Variants in NAV3 observed in about 807,000 individuals in gnomAD.
NAV3 encodes pore membrane and/or filament interacting like protein 1.
In NAV3, 87 loss-of-function variants were observed where a neutral mutation model predicts 244.7. The ratio of observed to expected loss-of-function variants is 0.36; its 90% CI spans 0.30 to 0.42. The LOEUF is 0.42. Ranked by LOEUF, NAV3 falls within the 20% of genes least tolerant of loss-of-function variation. The pLI is 1.00. For missense variants in NAV3, 2,663 were observed against 2,893.3 expected, an observed-to-expected ratio of 0.92 and a Z score of 1.83; for synonymous variants, 1,126 against 1,042.2, an observed-to-expected ratio of 1.08 and a Z score of -1.55.
chr12:78,123,579 A>G (rs1955775073), intron 16 of NAV3, among the ~76,000 whole-genome samples: 1 of 152,054 alleles, frequency 6.6e-6, no homozygotes. Flanking sequence ...TTCCCTCTTT[A>G]CTTCCTACTT....
At chr12:77,807,130 A>G (rs1035279966) in intron 2 of NAV3, among the ~76,000 whole-genome samples, 3 of 152,052 alleles carry the variant, frequency 2.0e-5, no homozygotes, top group African/African-American at 7.2e-5. Context: ...ACTCTATCCA[A>G]TTTGCCAGTC....
intron 2 of NAV3, among the ~76,000 whole-genome samples, chr12:77,732,709 A>G (rs711148): frequency 0.54 from 81,806 of 151,852 alleles, 22,787 homozygotes; most frequent in East Asian, 0.84. Context: ...GGCAAAGGTC[A>G]CTGAGCAAGT....
intron 34 of NAV3, 48 bp downstream of exon 34, chr12:78,190,267 T>C (rs1958914964): frequency 6.9e-7 from 1 of 1,453,674 alleles, no homozygotes. Context: ...TCCATAAGTG[T>C]TTTAAGCAAT....
chr12:77,852,483 G>A (rs373180473), intron 1 of NAV3, among the ~76,000 whole-genome samples: 1 of 152,040 alleles, frequency 6.6e-6, no homozygotes, highest in African/African-American at 2.4e-5. Context: ...AGGTTGTAGC[G>A]AGCTGAGATC....
chr12:77,814,475 GA>G (rs1394451405), intron 2 of NAV3, among the ~76,000 whole-genome samples: 2 of 152,080 alleles, frequency 1.3e-5, no homozygotes, highest in East Asian at 3.9e-4. Flanking sequence ...GTTACACCAA[GA>G]AAACAACAAT....
rs991154751 is a variant in NAV3, at chr12:78,077,968, C to T, written c.2636+18853C>T. On this transcript the variant is annotated intron_variant, in intron 12 of 39. Coordinates refer to ENST00000397909, the MANE Select transcript of NAV3 (RefSeq NM_001024383.2). The stretch of plus-strand genomic sequence containing the variant: ...AACAAAAAACAGAAACATATTGTCT[C>T]ACCCTTCTGGAGGCTAGACATTAGA... Among the ~76,000 whole-genome samples the T allele has an allele frequency of 3.9e-5, 6 of 152,102 alleles. No individual in the cohort carries two copies. In the South Asian group the frequency reaches 1.2e-3, roughly 32 times the overall value.
At chr12:78,137,116 A>C in intron 18 of NAV3, 61 bp from the exon 19 acceptor site, 1 of 1,461,694 alleles carries the variant, frequency 6.8e-7, no homozygotes. Flanking sequence ...ACTTTCTATC[A>C]ACCTGCTATT....
chr12:77,815,840 C>T lies in NAV3; in HGVS notation c.73-124479C>T, dbSNP rs79408475. Reference sequence around the variant, plus strand: ...GGTACTTAGCAACTTTTAGATATACCAATAAAACAACAACCTAATGCCTAA... The same window carrying T: ...GGTACTTAGCAACTTTTAGATATACTAATAAAACAACAACCTAATGCCTAA... On this transcript the variant is annotated intron_variant, in intron 2 of 8. Transcript: ENST00000550042. Among the ~76,000 whole-genome samples the T allele has an allele frequency of 9.2e-5, 14 of 152,094 alleles. No individual in the cohort carries two copies. In the East Asian group the frequency reaches 2.7e-3, roughly 29 times the overall value.
intron 2 of NAV3, among the ~76,000 whole-genome samples, chr12:77,725,531 T>C (rs559407874): frequency 6.6e-6 from 1 of 151,836 alleles, no homozygotes; most frequent in South Asian, 2.1e-4. Flanking sequence ...AATGTGGCAG[T>C]CTTAAGCCCA....
intron 1 of NAV3, among the ~76,000 whole-genome samples, chr12:77,923,782 G>T (rs1211047637): frequency 6.6e-6 from 1 of 152,090 alleles, no homozygotes; most frequent in Non-Finnish European, 1.5e-5. Flanking sequence ...GAACTGCTGG[G>T]AAATCAAGCT....
chr12:77,773,606 T>C (rs1399364052), intron 2 of NAV3, among the ~76,000 whole-genome samples: 1 of 152,114 alleles, frequency 6.6e-6, no homozygotes, highest in African/African-American at 2.4e-5. Flanking sequence ...ATACATAGTA[T>C]ATTAGATAAT....
At position 77,653,819 on chromosome 12, in the gene NAV3, G is replaced by A. The variant is rs1317067960; in HGVS notation, c.72+81553G>A. Among the ~76,000 whole-genome samples, 14 of 152,002 alleles carry A rather than the reference G, an allele frequency of 9.2e-5. 1 individual carries two copies. Among genetic ancestry groups the A allele is most frequent in the Admixed American group, 9.2e-4 (14 of 15,264 alleles). On this transcript the variant is annotated intron_variant, in intron 2 of 8. Transcript: ENST00000550042. ...ATATAATATACACAAATGCATTATAGCTCTGTACACATACACACATATTTG... is the reference window on the plus strand; with the variant it reads ...ATATAATATACACAAATGCATTATAACTCTGTACACATACACACATATTTG...
chr12:78,045,649 A>T (rs1297865459), intron 9 of NAV3, among the ~76,000 whole-genome samples: 3 of 151,990 alleles, frequency 2.0e-5, no homozygotes, highest in Non-Finnish European at 4.4e-5. Flanking sequence ...GTGATTGTGG[A>T]TTTTTACATC....
intron 1 of NAV3, among the ~76,000 whole-genome samples, chr12:77,918,974 T>C (rs1448368636): frequency 1.3e-5 from 2 of 152,012 alleles, no homozygotes; most frequent in African/African-American, 4.8e-5. Flanking sequence ...ATGATTATTA[T>C]AATCTGCAGA....
At chr12:77,664,355 A>G (rs947108118) in intron 2 of NAV3, among the ~76,000 whole-genome samples, 6 of 152,196 alleles carry the variant, frequency 3.9e-5, no homozygotes, top group African/African-American at 9.6e-5. Context: ...TGCTTAATGT[A>G]TTATTAATTT....
chr12:77,630,551 C>T (rs970130018), intron 2 of NAV3, among the ~76,000 whole-genome samples: 2 of 152,152 alleles, frequency 1.3e-5, no homozygotes, highest in Admixed American at 6.5e-5. Context: ...TTCAGATCAG[C>T]TTCTCCTCCT....
intron 1 of NAV3, among the ~76,000 whole-genome samples, chr12:77,913,680 A>G (rs921281446): frequency 1.3e-5 from 2 of 152,118 alleles, no homozygotes; most frequent in East Asian, 1.9e-4. Context: ...AAACTCTGCT[A>G]TACTATCCTT....
chr12:77,785,484 A>G (rs1014579635), intron 2 of NAV3, among the ~76,000 whole-genome samples: 1 of 152,072 alleles, frequency 6.6e-6, no homozygotes, highest in Non-Finnish European at 1.5e-5. Flanking sequence ...AAGTAGGAGG[A>G]GGGAGGGGAC....
At chr12:78,164,430 C>A (rs535316631) in intron 23 of NAV3, among the ~76,000 whole-genome samples, 1 of 151,962 alleles carries the variant, frequency 6.6e-6, no homozygotes, top group Non-Finnish European at 1.5e-5. Context: ...GAATTTGAAA[C>A]CAAATCTTTG....
Sources: gnomAD v4.1 joint callset for allele counts (sites outside exome capture counted in the v4.1 genomes callset) on GRCh38, gnomAD v4.1.1 for gene constraint, MANE v1.5 for transcripts, NCBI Gene and HGNC (gene_info 2026-07-23, HGNC 2026-07-21) for gene names.